The following BLTP2 variants were observed in gnomAD, a reference collection of about 807,000 sequenced individuals.
The protein encoded by BLTP2 is U937-associated antigen.
chr17:28,638,918 T>C, the BLTP2 span: 2 of 439,808 alleles, frequency 4.5e-6, no homozygotes, highest in Admixed American at 4.1e-5. Context: ...ACTATACGCT[T>C]GAACCTAAAA....
chr17:28,638,984 A>G, the BLTP2 span: 6 of 461,576 alleles, frequency 1.3e-5, 1 homozygote, highest in South Asian at 1.4e-4. Flanking sequence ...GCAGCACAAT[A>G]GAAGCACTAC....
At chr17:28,634,769 G>A in the BLTP2 span, 666 of 1,614,024 alleles carry the variant, frequency 4.1e-4, no homozygotes, top group Non-Finnish European at 5.0e-4. Flanking sequence ...ATGTTTTTGC[G>A]TTCCAAAGAG....
the BLTP2 span, chr17:28,634,672 T>A: frequency 6.2e-7 from 1 of 1,614,034 alleles, no homozygotes; most frequent in Non-Finnish European, 8.5e-7. Context: ...AGCTACCAGT[T>A]CTAGCCCTGC....
the BLTP2 span, among the ~76,000 whole-genome samples, chr17:28,622,829 C>A: frequency 6.6e-6 from 1 of 152,194 alleles, no homozygotes; most frequent in African/African-American, 2.4e-5. Context: ...GTAATCCCAG[C>A]ACTTTGGGAG....
chr17:28,615,360 C>T, the BLTP2 span: 1 of 897,584 alleles, frequency 1.1e-6, no homozygotes, highest in Non-Finnish European at 1.7e-6. Context: ...CACAATGGGG[C>T]AATTCACATA....
chr17:28,630,300 G>A, the BLTP2 span, among the ~76,000 whole-genome samples: 2 of 151,662 alleles, frequency 1.3e-5, no homozygotes, highest in Non-Finnish European at 2.9e-5. Flanking sequence ...GGGACCACAG[G>A]CACATGCCAC....
At chr17:28,633,015 A>G in the BLTP2 span, 3 of 1,584,742 alleles carry the variant, frequency 1.9e-6, no homozygotes, top group South Asian at 3.5e-5. Context: ...GGTAGGAGTC[A>G]TGAAGCTGGC....
chr17:28,627,039 T>C, the BLTP2 span, among the ~76,000 whole-genome samples: 6 of 152,308 alleles, frequency 3.9e-5, no homozygotes, highest in East Asian at 3.9e-4. Flanking sequence ...CCTGGGTAGA[T>C]AGTGTCAGAA....
At chr17:28,626,842 C>G in the BLTP2 span, among the ~76,000 whole-genome samples, 1 of 152,336 alleles carries the variant, frequency 6.6e-6, no homozygotes, top group South Asian at 2.1e-4. Context: ...ATCCAGTAAA[C>G]ATGTTTCCTT....
chr17:28,619,681 T>C, the BLTP2 span: 2 of 1,614,004 alleles, frequency 1.2e-6, no homozygotes, highest in Non-Finnish European at 1.7e-6. Context: ...TTCTTCACTT[T>C]CCAGCTGCAG....
the BLTP2 span, chr17:28,639,684 G>A: frequency 1.3e-6 from 2 of 1,581,172 alleles, no homozygotes; most frequent in South Asian, 2.2e-5. Context: ...AGCACTGGAA[G>A]GGCAAGAGGT....
At chr17:28,631,690 A>G in the BLTP2 span, 5 of 1,614,128 alleles carry the variant, frequency 3.1e-6, no homozygotes, top group Non-Finnish European at 4.2e-6. Flanking sequence ...TGCTGAGAAA[A>G]AGAGGCACAC....
chr17:28,633,027 C>T, the BLTP2 span: 1 of 1,585,424 alleles, frequency 6.3e-7, no homozygotes, highest in South Asian at 1.2e-5. Flanking sequence ...GAAGCTGGCC[C>T]AAGGGCACCT....
At chr17:28,616,787 C>A in the BLTP2 span, 5 of 1,613,620 alleles carry the variant, frequency 3.1e-6, no homozygotes, top group East Asian at 1.1e-4. This position sits in a 1 kb window ranked among gnomAD's most constrained non-coding sequence, Gnocchi z 4.8. Context: ...AGCAATTAAG[C>A]TCAGATACCA....
the BLTP2 span, chr17:28,615,058 G>A: frequency 8.1e-6 from 13 of 1,610,626 alleles, no homozygotes; most frequent in Admixed American, 1.7e-5. Flanking sequence ...CACTCGAATC[G>A]CCAAATCATT....
the BLTP2 span, chr17:28,615,756 G>C: frequency 6.2e-7 from 1 of 1,614,176 alleles, no homozygotes; most frequent in Non-Finnish European, 8.5e-7. Flanking sequence ...AGACAGGGCA[G>C]CACCAGGTTA....
At chr17:28,630,491 G>A in the BLTP2 span, among the ~76,000 whole-genome samples, 5 of 35,894 alleles carry the variant, frequency 1.4e-4, no homozygotes, top group African/African-American at 4.9e-4. Context: ...TTTTTTTTTT[G>A]TATTTTGGAG....
the BLTP2 span, chr17:28,616,586 T>C: frequency 6.2e-7 from 1 of 1,614,048 alleles, no homozygotes; most frequent in Non-Finnish European, 8.5e-7. This position sits in a 1 kb window ranked among gnomAD's most constrained non-coding sequence, Gnocchi z 4.8. Context: ...TGCTACCCTA[T>C]TCTTCTGGGG....
chr17:28,634,010 C>T, the BLTP2 span: 2 of 1,614,218 alleles, frequency 1.2e-6, no homozygotes, highest in Admixed American at 1.7e-5. Flanking sequence ...GACCACTCTG[C>T]TCGGTGCCCA....
Sources: gnomAD v4.1 joint callset for allele counts (sites outside exome capture counted in the v4.1 genomes callset) on GRCh38, gnomAD v4.1.1 for gene constraint, Gnocchi (gnomAD v3.1) non-coding constraint, MANE v1.5 for transcripts, NCBI Gene and HGNC (gene_info 2026-07-23, HGNC 2026-07-21) for gene names.